LRRIQ1: variants seen among roughly 807,000 people sequenced by gnomAD.
LRRIQ1 encodes the protein leucine rich repeats and IQ motif containing 1.
In LRRIQ1, 210 loss-of-function variants were observed where a neutral mutation model predicts 211.9. The ratio of observed to expected loss-of-function variants is 0.99; its 90% confidence interval spans 0.89 to 1.11. The LOEUF (loss-of-function observed/expected upper bound fraction) is 1.11, where lower values mean the gene tolerates loss of function less well. LRRIQ1 is among the 50% of genes most tolerant of loss of function. LRRIQ1 has a pLI of 0.00. For synonymous variants in LRRIQ1, 699 were observed against 650.1 expected (o/e 1.08, Z -1.14); for missense variants, 2,136 against 1,939.5 (o/e 1.10, Z -1.90).
intron 16 of LRRIQ1, 43 bp downstream of exon 16, chr12:85,121,919 T>C (rs369957650): frequency 3.5e-6 from 5 of 1,414,422 alleles, no homozygotes; most frequent in Non-Finnish European, 4.7e-6. Flanking sequence ...GAATCAATAA[T>C]GTAATTTATA....
At chr12:85,062,593 A>C (rs771379908) in intron 8 of LRRIQ1, among the ~76,000 whole-genome samples, 3 of 150,166 alleles carry the variant, frequency 2.0e-5, no homozygotes, top group Non-Finnish European at 4.4e-5. Flanking sequence ...TTTTAATCTA[A>C]TCCACTGTTG....
chr12:85,120,924 G>A (rs1393798318), intron 15 of LRRIQ1, among the ~76,000 whole-genome samples: 1 of 151,440 alleles, frequency 6.6e-6, no homozygotes, highest in African/African-American at 2.4e-5. Flanking sequence ...CACAGCATTA[G>A]TTTTTGTTTT....
chr12:85,181,897 T>G (rs952949369), intron 24 of LRRIQ1, among the ~76,000 whole-genome samples: 9 of 152,094 alleles, frequency 5.9e-5, no homozygotes, highest in African/African-American at 2.2e-4. Flanking sequence ...GAAACCAAGA[T>G]TCTGCATTAA....
Position 85,058,314 on chromosome 12 carries a change from T to G in LRRIQ1, c.2391+1130T>G, listed in dbSNP as rs9943795. 5.8e-3 allele frequency among the ~76,000 whole-genome samples: 889 copies of G among 152,140 alleles called. 10 individuals are homozygous for G. The highest frequency in any genetic ancestry group is 0.021 in the African/African-American group (852 of 41,560). On this transcript the variant is annotated intron_variant, in intron 8 of 26. Transcript: ENST00000393217. Reference sequence around the variant, plus strand: ...CAGGTCTGCAGAGCTACATATAGAATCTCTCATCTGCTCTTCTCCAATTTT... The same window carrying G: ...CAGGTCTGCAGAGCTACATATAGAAGCTCTCATCTGCTCTTCTCCAATTTT...
At chr12:85,209,733 A>C (rs951684391) in intron 24 of LRRIQ1, among the ~76,000 whole-genome samples, 1 of 152,096 alleles carries the variant, frequency 6.6e-6, no homozygotes, top group African/African-American at 2.4e-5. Context: ...AAAGAGCATG[A>C]GATGCTATTT....
intron 6 of LRRIQ1, among the ~76,000 whole-genome samples, chr12:85,050,718 A>G (rs935715752): frequency 2.0e-5 from 3 of 152,126 alleles, no homozygotes; most frequent in African/African-American, 7.2e-5. Context: ...TTGGTCTTAC[A>G]TTTCTCACAC....
intron 8 of LRRIQ1, among the ~76,000 whole-genome samples, chr12:85,064,613 A>C (rs1882229269): frequency 6.6e-6 from 1 of 151,532 alleles, no homozygotes; most frequent in Non-Finnish European, 1.5e-5. Context: ...TGTCCTGGAG[A>C]GTTTCCCCAA....
chr12:85,065,164 C>G, intron 8 of LRRIQ1, 98 bp from the exon 9 acceptor site: 2 of 1,039,848 alleles, frequency 1.9e-6, no homozygotes, highest in Non-Finnish European at 2.7e-6. Flanking sequence ...TATTACTTTT[C>G]TTAAATGAAT....
chr12:85,249,423 C>T (rs572692633), downstream of LRRIQ1, among the ~76,000 whole-genome samples: 3 of 151,786 alleles, frequency 2.0e-5, no homozygotes, highest in African/African-American at 7.2e-5. Flanking sequence ...ATGTGTGTGT[C>T]TGTGTGCATC....
intron 11 of LRRIQ1, among the ~76,000 whole-genome samples, chr12:85,073,623 G>A (rs1218251222): frequency 6.6e-6 from 1 of 152,072 alleles, no homozygotes; most frequent in Non-Finnish European, 1.5e-5. Context: ...ATATCAGCAA[G>A]ATTTATGTGA....
At chr12:85,262,943 G>A (rs768191826) in exon 2 of LRRIQ1, 3 of 985,994 alleles carry the variant, frequency 3.0e-6, no homozygotes, top group South Asian at 9.4e-5. Flanking sequence ...TACCAATATC[G>A]CCAATAATAA....
chr12:85,041,422 G>A (rs944053610), intron 3 of LRRIQ1, among the ~76,000 whole-genome samples: 1 of 151,518 alleles, frequency 6.6e-6, no homozygotes, highest in Non-Finnish European at 1.5e-5. Context: ...AAAAATGTAA[G>A]GAGATAGAGA....
chr12:85,199,146 G>C (rs908952180), intron 24 of LRRIQ1, among the ~76,000 whole-genome samples: 1 of 152,060 alleles, frequency 6.6e-6, no homozygotes, highest in African/African-American at 2.4e-5. Context: ...ATTTGTTTTT[G>C]TTGCAATTGT....
chr12:85,135,520 AT>A (rs1285350074), intron 18 of LRRIQ1, among the ~76,000 whole-genome samples: 1 of 151,794 alleles, frequency 6.6e-6, no homozygotes, highest in Non-Finnish European at 1.5e-5. Flanking sequence ...TACAAAAAAA[AT>A]ACTTTATTTA....
intron 24 of LRRIQ1, among the ~76,000 whole-genome samples, chr12:85,176,946 T>G (rs1363096691): frequency 2.6e-5 from 4 of 152,052 alleles, no homozygotes; most frequent in African/African-American, 9.7e-5. Context: ...TATACAGCAG[T>G]GGCGGAATAA....
intron 24 of LRRIQ1, among the ~76,000 whole-genome samples, chr12:85,210,382 C>T (rs889165837): frequency 5.3e-5 from 8 of 152,118 alleles, no homozygotes; most frequent in Non-Finnish European, 1.0e-4. Flanking sequence ...TGTGTTTCCA[C>T]GCTGCAAAAG....
chr12:85,059,606 A>T (rs186489784), intron 8 of LRRIQ1, among the ~76,000 whole-genome samples: 28 of 152,004 alleles, frequency 1.8e-4, no homozygotes, highest in Middle Eastern at 3.4e-3. Context: ...CATAAAATTT[A>T]AAAAAAATTC....
chr12:85,123,391 A>C (rs1888126849), intron 16 of LRRIQ1, among the ~76,000 whole-genome samples: 1 of 152,072 alleles, frequency 6.6e-6, no homozygotes. Flanking sequence ...AATAAAAATA[A>C]AGGAAGACAA....
intron 6 of LRRIQ1, among the ~76,000 whole-genome samples, chr12:85,050,262 CT>C (rs137938155): frequency 0.24 from 35,972 of 152,024 alleles, 4,883 homozygotes; most frequent in African/African-American, 0.34. Flanking sequence ...TTGTCCCTTT[CT>C]TTTCTTACTC....
Sources: gnomAD v4.1 joint callset for allele counts (sites outside exome capture counted in the v4.1 genomes callset) on GRCh38, gnomAD v4.1.1 for gene constraint, MANE v1.5 for transcripts, NCBI Gene and HGNC (gene_info 2026-07-23, HGNC 2026-07-21) for gene names.